Variants in COG4 observed in about 807,000 individuals in gnomAD.
COG4 encodes component of oligomeric golgi complex 4.
COG4 carries 65 observed loss-of-function variants against 95.1 expected under a neutral mutation model. The observed-to-expected ratio is 0.68, with a 90% CI of 0.56 to 0.84. The LOEUF (loss-of-function observed/expected upper bound fraction) is 0.84, where lower values mean the gene tolerates loss of function less well. COG4 is among the 40% of genes least tolerant of loss of function. The probability of loss-of-function intolerance (pLI) is 0.00; values close to 1 mark genes in which losing one functional copy is unlikely to be tolerated. For missense variants in COG4, 1,045 were observed against 989.1 expected, an observed-to-expected ratio of 1.06 and a Z score of -0.76; for synonymous variants, 421 against 374.8, an observed-to-expected ratio of 1.12 and a Z score of -1.42.
At chr16:70,514,219 G>T in intron 4 of COG4, 116 bp downstream of exon 4, 1 of 1,056,394 alleles carries the variant, frequency 9.5e-7, no homozygotes, top group Non-Finnish European at 1.4e-6. Flanking sequence ...AAAAAAAGAA[G>T]AAAAAGAAAA....
intron 8 of COG4, among the ~76,000 whole-genome samples, chr16:70,505,431 T>C (rs1256643357): frequency 6.6e-6 from 1 of 150,858 alleles, no homozygotes; most frequent in South Asian, 2.1e-4. Flanking sequence ...CTTGATTTCC[T>C]GACCTCGTGA....
At chr16:70,503,016 T>C (rs2049485795) in intron 8 of COG4, among the ~76,000 whole-genome samples, 1 of 152,166 alleles carries the variant, frequency 6.6e-6, no homozygotes, top group Non-Finnish European at 1.5e-5. Flanking sequence ...AAAATTAACT[T>C]CCTTTGCACA....
At chr16:70,482,349 AAACAGCCCAGGGCTGT>A in intron 15 of COG4, 174 bp from the exon 16 acceptor site, 1 of 690,378 alleles carries the variant, frequency 1.4e-6, no homozygotes, top group Non-Finnish European at 2.6e-6. Context: ...ACTGACCAGC[AAACAGCCCAGGGCTGT>A]AGCAGTGGCC....
intron 2 of COG4, among the ~76,000 whole-genome samples, chr16:70,518,204 G>C (rs1188683809): frequency 6.6e-6 from 1 of 152,174 alleles, no homozygotes; most frequent in African/African-American, 2.4e-5. Flanking sequence ...TTATAGGCGT[G>C]AGCTACTGCG....
In COG4 at chr16:70,509,963, C is replaced by T. The variant is rs777229476; in HGVS notation, c.797G>A (p.Arg266Gln). 1.9e-5 allele frequency: 31 copies of T among 1,613,830 alleles called. No homozygotes were observed. The highest frequency in any genetic ancestry group is 1.6e-4 in the Middle Eastern group (1 of 6,084). Residue 266 changes from arginine (R) to glutamine (Q), a missense_variant, in exon 6 of 19, where the codon CGG becomes CAG. Arg to Gln is a conservative substitution (Grantham distance 43, BLOSUM62 1). Transcript: ENST00000323786. ...ATCTGCAAAGATGACTGCAGCTCTC[C>T]GATCACTCATGTCTGTCCCCAGCAC... is the stretch of plus-strand genomic sequence containing the variant. ...LMVLGTDMSD[R>Q]RAAVIFADTL...
chr16:70,490,821 G>C (rs1389620811), intron 12 of COG4, among the ~76,000 whole-genome samples: 1 of 152,076 alleles, frequency 6.6e-6, no homozygotes, highest in Non-Finnish European at 1.5e-5. Context: ...CACTACGCCA[G>C]GCTAATTTTT....
chr16:70,522,264 G>C (rs2049963364), intron 1 of COG4, among the ~76,000 whole-genome samples: 1 of 151,986 alleles, frequency 6.6e-6, no homozygotes, highest in Non-Finnish European at 1.5e-5. Flanking sequence ...CAAAGTGCTG[G>C]GATGGCAGGC....
rs973370466 is a variant in COG4, at chr16:70,481,821, C to A, written c.2049G>T (p.Met683Ile). The A allele has an allele frequency of 2.5e-6, 4 of 1,613,972 alleles. No homozygotes were observed. Among genetic ancestry groups the A allele is most frequent in the Non-Finnish European group, 3.4e-6 (4 of 1,180,026 alleles). The change falls in exon 17 of 19, where the codon ATG becomes ATT. Residue 683 changes from methionine to isoleucine, a missense_variant. Met to Ile is a conservative substitution (Grantham distance 10, BLOSUM62 1). Coordinates refer to ENST00000323786, the MANE Select transcript of COG4 (RefSeq NM_015386.3). ...CCAACTCGACGGCAACAAGGCTAGT[C>A]ATGAGGCCGGTTAGGCTGTCGTAGA... ...PVIYDSLTGL[M>I]TSLVAVELEK...
intron 4 of COG4, among the ~76,000 whole-genome samples, chr16:70,512,879 G>A (rs189187592): frequency 6.6e-6 from 1 of 152,352 alleles, no homozygotes; most frequent in East Asian, 1.9e-4. Context: ...TCAGGAGGCT[G>A]AGGCAGAAGA....
intron 12 of COG4, among the ~76,000 whole-genome samples, chr16:70,492,255 TAAAC>T (rs1366047652): frequency 1.3e-5 from 2 of 152,148 alleles, no homozygotes; most frequent in Middle Eastern, 3.2e-3. Context: ...TCCTTTATAA[TAAAC>T]AAATAAACTA....
intron 13 of COG4, among the ~76,000 whole-genome samples, chr16:70,486,893 G>A (rs1191263400): frequency 1.3e-5 from 2 of 152,006 alleles, no homozygotes; most frequent in African/African-American, 2.4e-5. Flanking sequence ...CTACTTGGGA[G>A]CTGAGGCAGG....
intron 7 of COG4, chr16:70,508,785 C>T (rs1223993268): frequency 1.7e-6 from 1 of 575,672 alleles, no homozygotes; most frequent in Non-Finnish European, 3.3e-6. Flanking sequence ...CTATGTCGTA[C>T]TTTTACTTTC....
At chr16:70,504,296 C>T (rs1403519716) in intron 8 of COG4, among the ~76,000 whole-genome samples, 1 of 152,020 alleles carries the variant, frequency 6.6e-6, no homozygotes, top group Non-Finnish European at 1.5e-5. Context: ...GTAGAACAGT[C>T]CCCACCTAAC....
At chr16:70,508,888 G>T in intron 7 of COG4, 1 of 536,488 alleles carries the variant, frequency 1.9e-6, no homozygotes. Flanking sequence ...ACAATTACTT[G>T]GACACTTAAT....
chr16:70,513,287 A>G (rs1041547158), intron 4 of COG4, among the ~76,000 whole-genome samples: 3 of 152,240 alleles, frequency 2.0e-5, no homozygotes, highest in Non-Finnish European at 2.9e-5. Flanking sequence ...AAGATCATGG[A>G]AGATCTAAAA....
At position 70,480,989 on chromosome 16, in the gene COG4, C is replaced by T. The variant is rs201867211; in HGVS notation, c.*21G>A. On this transcript the variant is annotated 3_prime_UTR_variant, in exon 19 of 19. Transcript: ENST00000323786. ...GAACAGGCCTGCAAGTGTGATGAGC[C>T]AGGTGTGCTCATCCAGGCAGCTACA... 9.3e-6 allele frequency: 15 copies of T among 1,611,144 alleles called. No homozygotes were observed. The African/African-American group carries it at 1.9e-4, about 20-fold the overall frequency.
At chr16:70,507,848 T>C (rs535062365) in intron 8 of COG4, among the ~76,000 whole-genome samples, 19 of 148,916 alleles carry the variant, frequency 1.3e-4, no homozygotes, top group African/African-American at 4.5e-4. Flanking sequence ...GGTGACAGAG[T>C]GAGACTCTGT....
At chr16:70,498,967 C>A (rs1018361122) in intron 9 of COG4, among the ~76,000 whole-genome samples, 1 of 152,138 alleles carries the variant, frequency 6.6e-6, no homozygotes, top group Middle Eastern at 3.2e-3. Context: ...GTAATCCCAG[C>A]ACTTTGGGAG....
chr16:70,498,181 A>G, intron 9 of COG4, 126 bp from the exon 10 acceptor site: 1 of 687,396 alleles, frequency 1.5e-6, no homozygotes, highest in South Asian at 1.6e-5. Flanking sequence ...CATCGTTACA[A>G]TCATGATACA....
Sources: gnomAD v4.1 joint callset for allele counts (sites outside exome capture counted in the v4.1 genomes callset) on GRCh38, gnomAD v4.1.1 for gene constraint, MANE v1.5 for transcripts, NCBI Gene and HGNC (gene_info 2026-07-23, HGNC 2026-07-21) for gene names.